The following LAMB4 variants were observed in gnomAD, a reference collection of about 807,000 sequenced individuals.
LAMB4 encodes laminin subunit beta 4.
In LAMB4, 196 loss-of-function variants were observed where a neutral mutation model predicts 199.2. The ratio of observed to expected loss-of-function variants is 0.98; its 90% CI spans 0.88 to 1.11. The LOEUF (loss-of-function observed/expected upper bound fraction) is 1.11, where lower values mean the gene tolerates loss of function less well. LAMB4 is among the 50% of genes least tolerant of loss of function. The pLI is 0.00. For synonymous variants in LAMB4, 744 were observed against 770.6 expected, an observed-to-expected ratio of 0.97 and a Z score of 0.57; for missense variants, 2,080 against 2,171.2, an observed-to-expected ratio of 0.96 and a Z score of 0.83.
intron 1 of LAMB4, among the ~76,000 whole-genome samples, chr7:108,126,714 G>A (rs573106203): frequency 1.4e-4 from 21 of 149,340 alleles, no homozygotes; most frequent in Non-Finnish European, 1.9e-4. Context: ...ACAGGCGCCC[G>A]CCACCGCGCC....
At chr7:108,085,610 A>G (rs746603515) in intron 14 of LAMB4, among the ~76,000 whole-genome samples, 1 of 151,520 alleles carries the variant, frequency 6.6e-6, no homozygotes, top group East Asian at 1.9e-4. Flanking sequence ...TTTTATTTTT[A>G]TGTATTTATT....
In LAMB4 at chr7:108,092,271, G is replaced by GT. The variant is rs879108466; in HGVS notation, c.1550+65dup. On this transcript the variant is annotated intron_variant, in intron 13 of 33. Coordinates refer to ENST00000388781, the MANE Select transcript of LAMB4 (RefSeq NM_007356.3). ...AAATTTTTCACCTATGACTATGAGC[G>GT]TATCAGAATAAAATGTGCTTTTATG... 9 of 1,215,700 alleles carry GT rather than the reference G, an allele frequency of 7.4e-6. No individual in the cohort carries two copies. In the South Asian group the frequency reaches 7.5e-5, roughly 10 times the overall value. 75.3% of individuals were successfully genotyped at this position (1,215,700 alleles called of 1,614,324 possible).
At chr7:108,094,111 G>T (rs929576311) in intron 12 of LAMB4, among the ~76,000 whole-genome samples, 4 of 152,320 alleles carry the variant, frequency 2.6e-5, no homozygotes, top group East Asian at 1.9e-4. Flanking sequence ...TCCCCCATGG[G>T]GGGGGTCCCT....
chr7:108,080,833 C>G (rs983641142), intron 14 of LAMB4, among the ~76,000 whole-genome samples: 1 of 149,076 alleles, frequency 6.7e-6, no homozygotes, highest in Admixed American at 6.6e-5. Context: ...AAAAAAAAAC[C>G]CCTTGTAAGG....
the LAMB4 span, among the ~76,000 whole-genome samples, chr7:108,015,775 A>C: frequency 8.6e-5 from 12 of 138,894 alleles, no homozygotes; most frequent in Non-Finnish European, 1.4e-4. Flanking sequence ...TTTTTTACTT[A>C]AGACTCTTAA....
intron 1 of LAMB4, among the ~76,000 whole-genome samples, chr7:108,127,513 G>C (rs2038836020): frequency 6.6e-6 from 1 of 152,012 alleles, no homozygotes; most frequent in Non-Finnish European, 1.5e-5. Context: ...AGTTTGCCTG[G>C]GACTTTTCTG....
At chr7:108,090,268 TCTA>T (rs1428578618) in intron 14 of LAMB4, among the ~76,000 whole-genome samples, 1 of 152,238 alleles carries the variant, frequency 6.6e-6, no homozygotes, top group African/African-American at 2.4e-5. Context: ...TTAAATCTTT[TCTA>T]CTACAATTAA....
At chr7:108,116,581 C>T (rs1382495382) in intron 2 of LAMB4, among the ~76,000 whole-genome samples, 1 of 152,126 alleles carries the variant, frequency 6.6e-6, no homozygotes, top group Non-Finnish European at 1.5e-5. Context: ...ACGAACAAAA[C>T]AAAACTCTTT....
At chr7:108,104,698 T>G in intron 8 of LAMB4, 79 bp from the exon 9 acceptor site, 6 of 1,522,500 alleles carry the variant, frequency 3.9e-6, no homozygotes, top group Non-Finnish European at 5.4e-6. Context: ...GGAAATGAAA[T>G]ACCAGGTCCT....
chr7:108,107,759 C>G lies in LAMB4; in HGVS notation c.463G>C (p.Val155Leu), dbSNP rs748168711. ...CAGTCTTTTGCAAAATATTTGAACA[C>G]TTTCCAGTTGTGTCCATAGTCTGTG... is the stretch of plus-strand genomic sequence containing the variant. ...RSTDYGHNWK[V>L]FKYFAKDCAT... The change falls in exon 6 of 34, where the codon GTG becomes CTG. Residue 155 changes from valine (V) to leucine (L), a missense_variant. Coordinates refer to ENST00000388781, the MANE Select transcript of LAMB4 (RefSeq NM_007356.3). 6.2e-7 allele frequency: 1 copy of G among 1,613,802 alleles called. No homozygotes were observed. The highest frequency in any genetic ancestry group is 2.2e-5 in the East Asian group (1 of 44,868).
chr7:108,088,988 C>T lies in LAMB4; in HGVS notation c.1701+2638G>A, dbSNP rs562740617. 3.9e-5 allele frequency among the ~76,000 whole-genome samples: 6 copies of T among 152,284 alleles called. No individual in the cohort carries two copies. The South Asian group carries it at 6.2e-4, about 16-fold the overall frequency. Reference sequence around the variant, plus strand: ...GGAACATCTGAACCTCTGGCCTATCCTATGGAATACAGGCCATACAGGGGT... The same window carrying T: ...GGAACATCTGAACCTCTGGCCTATCTTATGGAATACAGGCCATACAGGGGT... On this transcript the variant is annotated intron_variant, in intron 14 of 33. Coordinates refer to ENST00000388781, the MANE Select transcript of LAMB4 (RefSeq NM_007356.3).
At chr7:108,048,226 G>C in intron 27 of LAMB4, 115 bp from the exon 28 acceptor site, 1 of 829,952 alleles carries the variant, frequency 1.2e-6, no homozygotes. Flanking sequence ...GAGCAATAGC[G>C]TGACCTTGGC....
chr7:108,071,347 A>T (rs56250250), intron 17 of LAMB4, among the ~76,000 whole-genome samples: 10 of 124,708 alleles, frequency 8.0e-5, no homozygotes, highest in African/African-American at 2.7e-4. Flanking sequence ...TCTCATCAGC[A>T]CCCCCCTAAC....
intron 29 of LAMB4, among the ~76,000 whole-genome samples, chr7:108,038,453 C>T (rs1403976697): frequency 1.3e-5 from 2 of 152,140 alleles, no homozygotes; most frequent in African/African-American, 2.4e-5. Context: ...AGCCACTGTG[C>T]CCCCCAAAGA....
intron 2 of LAMB4, among the ~76,000 whole-genome samples, chr7:108,122,009 G>T (rs557108635): frequency 6.6e-6 from 1 of 152,182 alleles, no homozygotes; most frequent in Non-Finnish European, 1.5e-5. Context: ...TTTGGTTAAG[G>T]TCAGGGCAAG....
intron 16 of LAMB4, 96 bp from the exon 17 acceptor site, chr7:108,077,160 G>A (rs1563070493): frequency 2.4e-6 from 3 of 1,275,632 alleles, no homozygotes; most frequent in East Asian, 2.4e-5. Flanking sequence ...ACTTGTACTG[G>A]GCAGTGACCT....
intron 11 of LAMB4, among the ~76,000 whole-genome samples, chr7:108,097,565 C>G (rs2150630472): frequency 6.6e-6 from 1 of 152,312 alleles, no homozygotes; most frequent in East Asian, 1.9e-4. Flanking sequence ...ACGGGCGGAT[C>G]ACGAGGTCAG....
At chr7:108,096,537 G>A (rs2037604377) in intron 11 of LAMB4, among the ~76,000 whole-genome samples, 1 of 151,960 alleles carries the variant, frequency 6.6e-6, no homozygotes, top group Admixed American at 6.6e-5. Context: ...TTTTGTGGGG[G>A]GATGAAAATG....
chr7:108,048,052 G>T lies in LAMB4; in HGVS notation c.4182C>A (p.Cys1394Ter). The stretch of plus-strand genomic sequence containing the variant: ...ACTTCCTGTGCCCCTTCCGGCCCGT[G>T]CAGAGAGCACCGCCACAGGGCAAGG... The part of the protein sequence containing the change: ...CVPLPCGGAL[C>*]TGRKGHRKCR... Residue 1394 changes from cysteine (C) to a stop codon, truncating the protein, a stop_gained, in exon 28 of 34, where the codon TGC becomes TGA. Coordinates refer to ENST00000388781, the MANE Select transcript of LAMB4 (RefSeq NM_007356.3). LOFTEE classifies it high-confidence loss of function. 1 of 1,613,964 alleles carries T rather than the reference G, an allele frequency of 6.2e-7. No homozygotes were observed. Among genetic ancestry groups the T allele is most frequent in the Non-Finnish European group, 8.5e-7 (1 of 1,179,986 alleles).
Sources: gnomAD v4.1 joint callset for allele counts (sites outside exome capture counted in the v4.1 genomes callset) on GRCh38, gnomAD v4.1.1 for gene constraint, MANE v1.5 for transcripts, NCBI Gene and HGNC (gene_info 2026-07-23, HGNC 2026-07-21) for gene names.